Variants in SHANK2 observed in about 807,000 individuals in gnomAD.
SHANK2 encodes SH3 and multiple ankyrin repeat domains 2, also known as SH3 and multiple ankyrin repeat domains protein 2.
In SHANK2, 43 loss-of-function variants were observed where a neutral mutation model predicts 133.7. The observed-to-expected ratio is 0.32, with a 90% CI of 0.25 to 0.41. The LOEUF is 0.41. SHANK2 is among the 10% of genes least tolerant of loss of function. SHANK2 has a pLI of 1.00. For synonymous variants in SHANK2, 1,017 were observed against 952.8 expected (o/e 1.07, Z -1.24); for missense variants, 1,994 against 2,235.8 (o/e 0.89, Z 2.18).
intron 17 of SHANK2, among the ~76,000 whole-genome samples, chr11:70,527,426 G>T (rs1339299796): frequency 4.6e-5 from 7 of 152,204 alleles, no homozygotes; most frequent in Admixed American, 4.6e-4. Context: ...AGTGGGCCCT[G>T]GGGAATGGTG....
At chr11:70,608,817 C>T (rs533313630) in intron 17 of SHANK2, among the ~76,000 whole-genome samples, 2 of 152,350 alleles carry the variant, frequency 1.3e-5, no homozygotes, top group Non-Finnish European at 2.9e-5. Context: ...CTCAGCTAAA[C>T]GCGGTCTATT....
At chr11:70,714,230 T>C (rs1565262836) in intron 14 of SHANK2, among the ~76,000 whole-genome samples, 1 of 152,228 alleles carries the variant, frequency 6.6e-6, no homozygotes, top group South Asian at 2.1e-4. Flanking sequence ...CCCCAGAGCA[T>C]GCTGAGGACA....
intron 10 of SHANK2, among the ~76,000 whole-genome samples, chr11:70,933,531 C>T (rs1047332577): frequency 1.3e-4 from 20 of 152,184 alleles, no homozygotes; most frequent in African/African-American, 4.8e-4. Context: ...GTGTATTTGA[C>T]TACAGTTGAG....
chr11:71,112,709 C>T (rs983993003), intron 5 of SHANK2, among the ~76,000 whole-genome samples: 4 of 152,290 alleles, frequency 2.6e-5, no homozygotes, highest in African/African-American at 9.6e-5. Context: ...CCCACACACC[C>T]TATGCCTCAG....
At chr11:70,543,791 T>C (rs2059653135) in intron 17 of SHANK2, among the ~76,000 whole-genome samples, 1 of 152,228 alleles carries the variant, frequency 6.6e-6, no homozygotes, top group Admixed American at 6.5e-5. Flanking sequence ...TCTTGGCACC[T>C]GCAAAGGACG....
rs148896422 is a variant in SHANK2 at position 70,558,599 on chromosome 11, C to T, written c.2062-55668G>A. Among the ~76,000 whole-genome samples, 20 of 152,346 alleles carry T rather than the reference C, an allele frequency of 1.3e-4. No homozygotes were observed. The East Asian group carries it at 3.5e-3, about 26-fold the overall frequency. ...CACAGAGGCAAGATCAGTGCTCCCC[C>T]ATGGGGATGCTAGCTGGGAGGCCAC... On this transcript the variant is annotated intron_variant, in intron 17 of 25. Coordinates refer to ENST00000601538, the MANE Select transcript of SHANK2 (RefSeq NM_012309.5).
At chr11:70,658,208 AACACACACACACACACACACAC>A in intron 17 of SHANK2, among the ~76,000 whole-genome samples, 1 of 97,564 alleles carries the variant, frequency 1.0e-5, no homozygotes, top group Admixed American at 1.1e-4. Context: ...ACGCCCCCCC[AACACACACACACACACACACAC>A]ACACACACAC....
intron 14 of SHANK2, among the ~76,000 whole-genome samples, chr11:70,716,905 C>A (rs1447055812): frequency 6.7e-6 from 1 of 149,256 alleles, no homozygotes; most frequent in South Asian, 2.2e-4. Context: ...GCCCCCCCCC[C>A]GCCCAACTGG....
intron 17 of SHANK2, among the ~76,000 whole-genome samples, chr11:70,613,607 G>A (rs1379635067): frequency 6.6e-6 from 1 of 152,152 alleles, no homozygotes; most frequent in Non-Finnish European, 1.5e-5. Context: ...CCAAAAAGAG[G>A]TGTGGAAGTC....
chr11:70,791,296 C>T (rs888478906), intron 14 of SHANK2, among the ~76,000 whole-genome samples: 13 of 152,166 alleles, frequency 8.5e-5, no homozygotes, highest in Non-Finnish European at 1.8e-4. Flanking sequence ...GGTGTCCCTG[C>T]CCTCAGAGAG....
At chr11:70,586,826 C>A (rs1043683820) in intron 17 of SHANK2, among the ~76,000 whole-genome samples, 1 of 152,206 alleles carries the variant, frequency 6.6e-6, no homozygotes, top group African/African-American at 2.4e-5. Flanking sequence ...TACCTCACCC[C>A]CCCAGAGTGG....
intron 15 of SHANK2, among the ~76,000 whole-genome samples, chr11:70,688,207 C>A (rs926377850): frequency 2.6e-5 from 4 of 152,176 alleles, no homozygotes; most frequent in South Asian, 4.1e-4. Flanking sequence ...CTGGATCCCC[C>A]CTGCAGGGCA....
At chr11:70,819,039 A>C (rs908461123) in intron 12 of SHANK2, among the ~76,000 whole-genome samples, 4 of 151,714 alleles carry the variant, frequency 2.6e-5, no homozygotes, top group Admixed American at 6.6e-5. Context: ...GGCCTGCAAG[A>C]CTCCCCGCAG....
intron 17 of SHANK2, among the ~76,000 whole-genome samples, chr11:70,584,030 T>C (rs561563487): frequency 1.3e-5 from 2 of 152,268 alleles, no homozygotes; most frequent in East Asian, 3.9e-4. Flanking sequence ...ACCGCGAGCA[T>C]GCTCCTCAAG....
chr11:70,555,549 C>A (rs1003815540), intron 17 of SHANK2, among the ~76,000 whole-genome samples: 1 of 152,114 alleles, frequency 6.6e-6, no homozygotes, highest in Non-Finnish European at 1.5e-5. Flanking sequence ...AGTTTGAGAC[C>A]CCATCTATAT....
intron 11 of SHANK2, among the ~76,000 whole-genome samples, chr11:70,873,932 G>T (rs369726957): frequency 6.6e-6 from 1 of 152,264 alleles, no homozygotes; most frequent in South Asian, 2.1e-4. Context: ...ACAGGAACAC[G>T]TGTCATCAGG....
intron 2 of SHANK2, among the ~76,000 whole-genome samples, chr11:71,194,944 T>C (rs58984468): frequency 0.031 from 4,744 of 152,292 alleles, 231 homozygotes; most frequent in Admixed American, 0.15. Flanking sequence ...CCAGTCTGCT[T>C]CCTTCGTGGG....
chr11:70,649,488 G>A (rs1591704067), intron 17 of SHANK2, among the ~76,000 whole-genome samples: 1 of 152,250 alleles, frequency 6.6e-6, no homozygotes, highest in African/African-American at 2.4e-5. Context: ...AGATCCTGTG[G>A]GGCACTTAGC....
chr11:70,584,432 G>C (rs1441320274), intron 17 of SHANK2, among the ~76,000 whole-genome samples: 1 of 152,108 alleles, frequency 6.6e-6, no homozygotes, highest in African/African-American at 2.4e-5. Flanking sequence ...CTGAGAGCTG[G>C]ATTTTCAAAT....
Sources: allele counts gnomAD v4.1 joint callset (sites outside exome capture counted in the v4.1 genomes callset), GRCh38; gene constraint gnomAD v4.1.1; transcripts MANE v1.5; gene names NCBI Gene and HGNC (gene_info 2026-07-23, HGNC 2026-07-21).